ANO10: variants seen among roughly 807,000 people sequenced by gnomAD.
ANO10 encodes the protein anoctamin 10.
In ANO10, 77 loss-of-function variants were observed where a neutral mutation model predicts 74.7. The observed-to-expected ratio is 1.03, with a 90% CI of 0.86 to 1.25. The LOEUF (loss-of-function observed/expected upper bound fraction) is 1.25. Ranked by LOEUF, ANO10 falls within the 50% of genes most tolerant of loss-of-function variation. The probability of loss-of-function intolerance (pLI) is 0.00; values close to 1 mark genes in which losing one functional copy is unlikely to be tolerated. For synonymous variants in ANO10, 279 were observed against 284.9 expected (o/e 0.98, Z 0.21); for missense variants, 721 against 778.1 (o/e 0.93, Z 0.87).
At chr3:43,556,459 C>T (rs930811689) in intron 9 of ANO10, among the ~76,000 whole-genome samples, 3 of 152,118 alleles carry the variant, frequency 2.0e-5, no homozygotes, top group African/African-American at 7.2e-5. Flanking sequence ...TGTGTTTCCC[C>T]ACACTCTGTG....
At chr3:43,410,065 T>G (rs2092640424) in intron 12 of ANO10, among the ~76,000 whole-genome samples, 1 of 152,104 alleles carries the variant, frequency 6.6e-6, no homozygotes, top group Non-Finnish European at 1.5e-5. Flanking sequence ...GCCAATCGCT[T>G]TGGAAAATGA....
At chr3:43,553,114 C>T (rs1032850083) in intron 10 of ANO10, among the ~76,000 whole-genome samples, 72 of 152,198 alleles carry the variant, frequency 4.7e-4, no homozygotes, top group African/African-American at 1.6e-3. Context: ...ATTGACAATA[C>T]TTTAAGGACC....
intron 11 of ANO10, among the ~76,000 whole-genome samples, chr3:43,467,811 A>C (rs916082771): frequency 1.3e-5 from 2 of 152,246 alleles, no homozygotes; most frequent in African/African-American, 4.8e-5. Flanking sequence ...TAACTCTTCT[A>C]ATTTTAACTG....
At chr3:43,379,771 C>T (rs2125693087) in intron 12 of ANO10, among the ~76,000 whole-genome samples, 1 of 152,220 alleles carries the variant, frequency 6.6e-6, no homozygotes, top group Middle Eastern at 3.4e-3. Flanking sequence ...ACAGCAGAGG[C>T]AAGGTTGTTT....
At position 43,458,084 on chromosome 3, in the gene ANO10, A is replaced by G. The variant is rs185239806; in HGVS notation, c.1798-25357T>C. Among the ~76,000 whole-genome samples the G allele has an allele frequency of 4.8e-3, 738 of 152,346 alleles. 7 individuals carry two copies. Among genetic ancestry groups the G allele is most frequent in the African/African-American group, 0.015 (643 of 41,572 alleles). On this transcript the variant is annotated intron_variant, in intron 11 of 12. Transcript: ENST00000292246. ...ACAACCACATATTGGAAAAGGAGTC[A>G]GAACTCTCATTTTGTTCCTAGCTTG...
chr3:43,432,482 T>C, intron 12 of ANO10, 129 bp downstream of exon 12: 1 of 781,638 alleles, frequency 1.3e-6, no homozygotes, highest in Non-Finnish European at 2.2e-6. Flanking sequence ...CATCCTGAAC[T>C]GGAGTCCTCT....
At position 43,482,229 on chromosome 3, in the gene ANO10, A is replaced by G. The variant is rs111761307; in HGVS notation, c.1798-49502T>C. On this transcript the variant is annotated intron_variant, in intron 11 of 12. Coordinates refer to ENST00000292246, the MANE Select transcript of ANO10 (RefSeq NM_018075.5). ...AGGTGTGAGCCACCGCCCCCAGCCA[A>G]TTGATGTCTTATGTCTCCCTATAAT... Among the ~76,000 whole-genome samples, 894 of 152,096 alleles carry G rather than the reference A, an allele frequency of 5.9e-3. 10 individuals carry two copies. The highest frequency in any genetic ancestry group is 0.01 in the Non-Finnish European group (711 of 67,966).
At chr3:43,423,131 A>G (rs2092845469) in intron 12 of ANO10, among the ~76,000 whole-genome samples, 1 of 152,040 alleles carries the variant, frequency 6.6e-6, no homozygotes, top group African/African-American at 2.4e-5. Context: ...AAAAAAAAAA[A>G]AGGATTTGAG....
chr3:43,466,547 T>G (rs1242173651), intron 11 of ANO10, among the ~76,000 whole-genome samples: 1 of 151,724 alleles, frequency 6.6e-6, no homozygotes, highest in Non-Finnish European at 1.5e-5. Context: ...ACGACTAGAG[T>G]AACAACTGGA....
chr3:43,536,963 C>G (rs1031326370), intron 11 of ANO10, among the ~76,000 whole-genome samples: 4 of 135,332 alleles, frequency 3.0e-5, no homozygotes, highest in Non-Finnish European at 6.1e-5. Context: ...GAAACCATCA[C>G]CATAATCAAG....
intron 12 of ANO10, among the ~76,000 whole-genome samples, chr3:43,389,614 T>C (rs1274973145): frequency 6.6e-6 from 1 of 152,210 alleles, no homozygotes; most frequent in Non-Finnish European, 1.5e-5. Flanking sequence ...TATTGCCCTT[T>C]GAACCAAGCA....
chr3:43,456,496 A>T (rs1405354350), intron 11 of ANO10, among the ~76,000 whole-genome samples: 1 of 152,242 alleles, frequency 6.6e-6, no homozygotes, highest in Non-Finnish European at 1.5e-5. Context: ...AAAATGGATA[A>T]GAAAACTTTG....
intron 11 of ANO10, among the ~76,000 whole-genome samples, chr3:43,439,152 T>A (rs2093121124): frequency 6.6e-6 from 1 of 151,808 alleles, no homozygotes; most frequent in Non-Finnish European, 1.5e-5. Flanking sequence ...AAAAGTAATT[T>A]ATCATGTACA....
At chr3:43,465,898 T>C (rs1226396133) in intron 11 of ANO10, among the ~76,000 whole-genome samples, 1 of 152,216 alleles carries the variant, frequency 6.6e-6, no homozygotes, top group African/African-American at 2.4e-5. Flanking sequence ...TCAATATTGT[T>C]AAAATGTCAG....
chr3:43,452,952 ATGTGCTTGCTGG>A (rs2074945386), intron 11 of ANO10, among the ~76,000 whole-genome samples: 1 of 152,136 alleles, frequency 6.6e-6, no homozygotes, highest in Non-Finnish European at 1.5e-5. Context: ...ATATCTTTCC[ATGTGCTTGCTGG>A]CCACTTAAAA....
chr3:43,522,700 G>A (rs189674192), intron 11 of ANO10, among the ~76,000 whole-genome samples: 2 of 152,200 alleles, frequency 1.3e-5, no homozygotes, highest in African/African-American at 4.8e-5. Context: ...AGGTTATCAG[G>A]TAGTTCACGT....
At chr3:43,680,079 G>A (rs1457506042) in intron 1 of ANO10, among the ~76,000 whole-genome samples, 1 of 152,196 alleles carries the variant, frequency 6.6e-6, no homozygotes, top group Non-Finnish European at 1.5e-5. Flanking sequence ...GAACAAAGCT[G>A]GACAGAGAAT....
Position 43,490,349 on chromosome 3 carries a change from T to C in ANO10, c.1798-57622A>G, listed in dbSNP as rs954900912. ...CCTAAAAATGTGAAATTTAAAAACT[T>C]TTTATCTAAACACAAGTGAAATAAA... On this transcript the variant is annotated intron_variant, in intron 11 of 12. Transcript: ENST00000292246. Among the ~76,000 whole-genome samples, 10 of 152,338 alleles carry C rather than the reference T, an allele frequency of 6.6e-5. No homozygotes were observed. The Middle Eastern group carries it at 0.01, about 155-fold the overall frequency.
intron 12 of ANO10, among the ~76,000 whole-genome samples, chr3:43,429,396 A>C (rs2092947761): frequency 6.6e-6 from 1 of 152,138 alleles, no homozygotes; most frequent in Non-Finnish European, 1.5e-5. Context: ...GTATATACAG[A>C]CCATAAAATT....
Sources: allele counts gnomAD v4.1 joint callset (sites outside exome capture counted in the v4.1 genomes callset), GRCh38; gene constraint gnomAD v4.1.1; transcripts MANE v1.5; gene names NCBI Gene and HGNC (gene_info 2026-07-23, HGNC 2026-07-21).